Variants in ADAMTS16 observed in about 807,000 individuals in gnomAD.
ADAMTS16 encodes ADAM metallopeptidase with thrombospondin type 1 motif 16, also known as A disintegrin and metalloproteinase with thrombospondin motifs 16.
Under a neutral mutation model 145.8 loss-of-function variants are expected in ADAMTS16, and 94 were observed. That is an observed-to-expected ratio of 0.64 (90% CI 0.55 to 0.77). The LOEUF (loss-of-function observed/expected upper bound fraction) is 0.77. Ranked by LOEUF, ADAMTS16 falls within the 30% of genes least tolerant of loss-of-function variation. The probability of loss-of-function intolerance (pLI) is 0.00; values close to 1 mark genes in which losing one functional copy is unlikely to be tolerated. For synonymous variants in ADAMTS16, 659 were observed against 604.3 expected, an observed-to-expected ratio of 1.09 and a Z score of -1.33; for missense variants, 1,585 against 1,591.5, an observed-to-expected ratio of 1.00 and a Z score of 0.07.
chr5:5,144,974 TGGA>T (rs935762708), intron 2 of ADAMTS16, among the ~76,000 whole-genome samples: 4 of 152,138 alleles, frequency 2.6e-5, no homozygotes, highest in African/African-American at 4.8e-5. Flanking sequence ...GGGCGAGGCA[TGGA>T]GCTCTGTCCG....
chr5:5,308,642 T>C (rs2126526070), intron 21 of ADAMTS16, among the ~76,000 whole-genome samples: 1 of 152,220 alleles, frequency 6.6e-6, no homozygotes, highest in South Asian at 2.1e-4. Context: ...GCCCCGAGCC[T>C]AGTAAGGCCA....
intron 13 of ADAMTS16, among the ~76,000 whole-genome samples, chr5:5,236,156 C>A (rs1456247120): frequency 6.6e-6 from 1 of 152,162 alleles, no homozygotes; most frequent in Non-Finnish European, 1.5e-5. Context: ...ACACAGTAAT[C>A]ATGGACGCAC....
chr5:5,144,564 A>T (rs1734245831), intron 2 of ADAMTS16, among the ~76,000 whole-genome samples: 1 of 152,212 alleles, frequency 6.6e-6, no homozygotes, highest in Admixed American at 6.5e-5. Flanking sequence ...TAAACTTTTT[A>T]AAATTCGTCT....
At position 5,146,293 on chromosome 5, in the gene ADAMTS16, G is replaced by A. The variant is rs1009375858; in HGVS notation, c.339G>A (p.Arg113=). 3 of 1,614,166 alleles carry A rather than the reference G, an allele frequency of 1.9e-6. No homozygotes were observed. Among genetic ancestry groups the A allele is most frequent in the Admixed American group, 3.3e-5 (2 of 60,026 alleles). Residue 113 remains arginine, a synonymous_variant, in exon 3 of 23, where the codon AGG becomes AGA. Coordinates refer to ENST00000274181, the MANE Select transcript of ADAMTS16 (RefSeq NM_139056.4). Reference sequence around the variant, plus strand: ...GGCACGACTTCCACATGGATCTGAGGACTTCCAGCAGCCTAGTGGCTCCTG... The same window carrying A: ...GGCACGACTTCCACATGGATCTGAGAACTTCCAGCAGCCTAGTGGCTCCTG... ...GSRHDFHMDL[R]TSSSLVAPGF...
chr5:5,161,764 T>C lies in ADAMTS16; in HGVS notation c.501+15309T>C, dbSNP rs570910853. On this transcript the variant is annotated intron_variant, in intron 3 of 22. Coordinates refer to ENST00000274181, the MANE Select transcript of ADAMTS16 (RefSeq NM_139056.4). The stretch of plus-strand genomic sequence containing the variant: ...GAGTAGCTTCTGATGCACTCAATAA[T>C]ATATTTTCTATCATAGGAAGAGCAG... Among the ~76,000 whole-genome samples, 7 of 152,306 alleles carry C rather than the reference T, an allele frequency of 4.6e-5. No individual in the cohort carries two copies. The South Asian group carries it at 1.5e-3, about 32-fold the overall frequency.
intron 18 of ADAMTS16, among the ~76,000 whole-genome samples, chr5:5,296,784 G>A (rs1739553589): frequency 6.6e-6 from 1 of 152,086 alleles, no homozygotes; most frequent in Admixed American, 6.5e-5. Context: ...TAAAGAGGAG[G>A]GAGTTACCTC....
intron 8 of ADAMTS16, among the ~76,000 whole-genome samples, chr5:5,197,825 C>T (rs772279376): frequency 5.9e-5 from 9 of 152,132 alleles, no homozygotes; most frequent in African/African-American, 2.2e-4. Context: ...ATTGGAGACA[C>T]AAATTGTGAA....
rs1560999333 is a variant in ADAMTS16, at chr5:5,303,765, A to G, written c.3185A>G (p.Gln1062Arg). ...CAGTGGCTGGTGTCCGCCTGGTCCC[A>G]GGTAGGTGCACTGGTCTCGCGGGAG... ...KLQWLVSAWSQCSVTCERGTQ... is the reference protein window; with the variant it reads ...KLQWLVSAWSRCSVTCERGTQ... The change falls in exon 20 of 23, where the codon CAG (glutamine) becomes CGG (arginine). Residue 1062 changes from glutamine (Q) to arginine (R), a missense_variant and splice_region_variant. By Grantham distance (43) the Gln-to-Arg change is conservative. Transcript: ENST00000274181. 1 of 1,612,436 alleles carries G rather than the reference A, an allele frequency of 6.2e-7. No individual in the cohort carries two copies. Among genetic ancestry groups the G allele is most frequent in the South Asian group, 1.1e-5 (1 of 91,000 alleles).
chr5:5,243,849 C>A (rs1737364786), intron 17 of ADAMTS16, among the ~76,000 whole-genome samples: 1 of 152,120 alleles, frequency 6.6e-6, no homozygotes, highest in Non-Finnish European at 1.5e-5. Flanking sequence ...GTTTCAGTAT[C>A]CTGAAACACT....
chr5:5,166,260 C>A (rs1441115882), intron 3 of ADAMTS16, among the ~76,000 whole-genome samples: 1 of 151,834 alleles, frequency 6.6e-6, no homozygotes, highest in Non-Finnish European at 1.5e-5. Context: ...CACACACACA[C>A]ACAAACACAC....
At chr5:5,251,355 G>T (rs1429345730) in intron 17 of ADAMTS16, among the ~76,000 whole-genome samples, 1 of 152,162 alleles carries the variant, frequency 6.6e-6, no homozygotes, top group African/African-American at 2.4e-5. Flanking sequence ...CACTTCTAAT[G>T]TGGCAGCTCA....
intron 20 of ADAMTS16, among the ~76,000 whole-genome samples, chr5:5,306,127 A>G (rs1740143542): frequency 6.6e-6 from 1 of 152,178 alleles, no homozygotes; most frequent in South Asian, 2.1e-4. Flanking sequence ...ACATCACTGC[A>G]TTTGCGTGGG....
intron 17 of ADAMTS16, among the ~76,000 whole-genome samples, chr5:5,259,047 C>T (rs1350605445): frequency 1.3e-5 from 2 of 152,136 alleles, no homozygotes; most frequent in African/African-American, 2.4e-5. Context: ...GCCCACCCCT[C>T]GGTACCCGTG....
intron 21 of ADAMTS16, 26 bp from the exon 22 acceptor site, chr5:5,318,108 G>T (rs1473811862): frequency 7.3e-7 from 1 of 1,362,762 alleles, no homozygotes. Context: ...TGGGGCCATG[G>T]TGACATGTGT....
intron 8 of ADAMTS16, among the ~76,000 whole-genome samples, chr5:5,192,942 G>C (rs928889832): frequency 1.3e-5 from 2 of 152,102 alleles, no homozygotes; most frequent in African/African-American, 2.4e-5. Context: ...ATCTTTTCCT[G>C]CTATGCTGCA....
At chr5:5,140,566 C>A (rs912014864) in intron 1 of ADAMTS16, 27 bp downstream of exon 1, 2 of 1,500,130 alleles carry the variant, frequency 1.3e-6, no homozygotes, top group Non-Finnish European at 1.8e-6. Context: ...CCCACCAGCG[C>A]GGAAACCGCG....
At chr5:5,251,492 A>G (rs892692583) in intron 17 of ADAMTS16, among the ~76,000 whole-genome samples, 5 of 152,232 alleles carry the variant, frequency 3.3e-5, no homozygotes, top group African/African-American at 1.2e-4. Flanking sequence ...ATTTTTATGG[A>G]GAGTGTTTCA....
At position 5,191,706 on chromosome 5, in the gene ADAMTS16, T is replaced by C. The variant is rs1735666686; in HGVS notation, c.1229T>C (p.Met410Thr). The stretch of plus-strand genomic sequence containing the variant: ...ACAGGATTTGCACCCATAAGTGGAA[T>C]GTGTAGTAAATATCGCAGCTGCACG... ...DTLGFAPISG[M>T]CSKYRSCTIN... The change falls in exon 8 of 23, where the codon ATG (methionine) becomes ACG (threonine). Residue 410 changes from methionine to threonine, a missense_variant. Around this residue, in one of 3 missense-constraint regions of ADAMTS16, gnomAD observed 298 missense variants for 367.6 expected, o/e 0.81. Coordinates refer to ENST00000274181, the MANE Select transcript of ADAMTS16 (RefSeq NM_139056.4). 6.2e-7 allele frequency: 1 copy of C among 1,613,470 alleles called. No homozygotes were observed. The highest frequency in any genetic ancestry group is 1.3e-5 in the African/African-American group (1 of 74,902).
At chr5:5,228,178 TG>T (rs1306631506) in intron 11 of ADAMTS16, among the ~76,000 whole-genome samples, 28 of 152,364 alleles carry the variant, frequency 1.8e-4, no homozygotes, top group African/African-American at 6.7e-4. Context: ...TGTATCAAGT[TG>T]TTAGCTTAAC....
Sources: gnomAD v4.1 joint callset for allele counts (sites outside exome capture counted in the v4.1 genomes callset) on GRCh38, gnomAD v4.1.1 for gene constraint, gnomAD v4.1.1 regional missense constraint, MANE v1.5 for transcripts, NCBI Gene and HGNC (gene_info 2026-07-23, HGNC 2026-07-21) for gene names.